SLC25A42: variants seen among roughly 807,000 people sequenced by gnomAD.
SLC25A42 encodes solute carrier family 25 member 42.
A neutral mutation model predicts 34.7 loss-of-function variants in SLC25A42; 19 were observed. That is an observed-to-expected ratio of 0.55 (90% CI 0.38 to 0.80). The LOEUF (loss-of-function observed/expected upper bound fraction) is 0.80. Among genes scored for constraint, SLC25A42 ranks in the 30% least tolerant of loss-of-function variants. The pLI is 0.00. For synonymous variants in SLC25A42, 205 were observed against 191.2 expected (o/e 1.07, Z -0.59); for missense variants, 364 against 441.3 (o/e 0.82, Z 1.57).
In SLC25A42 at chr19:19,083,937, C is replaced by T. The variant is rs147319504; in HGVS notation, c.-34-12154C>T. Among the ~76,000 whole-genome samples, 1,071 of 149,696 alleles carry T rather than the reference C, an allele frequency of 7.2e-3. 32 individuals are homozygous for T. The East Asian group carries it at 0.087, about 12-fold the overall frequency. Reference sequence around the variant, plus strand: ...CTCCTGGGCCCTGCACACACCTGCCCGCACCCCACCACCCCAGCGTGCCCC... The same window carrying T: ...CTCCTGGGCCCTGCACACACCTGCCTGCACCCCACCACCCCAGCGTGCCCC... On this transcript the variant is annotated intron_variant, in intron 1 of 7. Transcript: ENST00000318596.
chr19:19,094,313 T>A (rs566773983), intron 1 of SLC25A42, among the ~76,000 whole-genome samples: 77 of 152,356 alleles, frequency 5.1e-4, no homozygotes, highest in African/African-American at 1.8e-3. Context: ...CTGTCATTTC[T>A]TTATATTATA....
chr19:19,101,997 A>C, intron 3 of SLC25A42, 111 bp downstream of exon 3: 1 of 704,218 alleles, frequency 1.4e-6, no homozygotes. Flanking sequence ...TTTATTTTAG[A>C]AATAAGGTTT....
chr19:19,107,273 C>T (rs1459523567), intron 6 of SLC25A42, among the ~76,000 whole-genome samples: 5 of 148,822 alleles, frequency 3.4e-5, no homozygotes, highest in East Asian at 2.0e-4. Context: ...GCCATGATCA[C>T]GTCACTGCAC....
intron 1 of SLC25A42, among the ~76,000 whole-genome samples, chr19:19,066,438 AT>A (rs1175533894): frequency 3.4e-4 from 44 of 129,350 alleles, no homozygotes; most frequent in Non-Finnish European, 1.8e-4. Flanking sequence ...TGCAGCCCAT[AT>A]TTTTTTTTTC....
chr19:19,070,246 C>T (rs867456343), intron 1 of SLC25A42, among the ~76,000 whole-genome samples: 1 of 150,794 alleles, frequency 6.6e-6, no homozygotes, highest in African/African-American at 2.4e-5. Context: ...CCGCCTGCCT[C>T]GGCCTCCCAA....
intron 1 of SLC25A42, among the ~76,000 whole-genome samples, chr19:19,068,108 C>T (rs1285424764): frequency 1.3e-5 from 2 of 152,188 alleles, no homozygotes; most frequent in Non-Finnish European, 2.9e-5. Context: ...GTAATCCCAG[C>T]ACTTTGGGAG....
chr19:19,065,511 T>C (rs919706165), intron 1 of SLC25A42, among the ~76,000 whole-genome samples: 4 of 152,200 alleles, frequency 2.6e-5, no homozygotes, highest in Non-Finnish European at 2.9e-5. Flanking sequence ...GGCTTTGTTG[T>C]TGAAAAGCAA....
chr19:19,089,371 C>CA (rs1041455653), intron 1 of SLC25A42, among the ~76,000 whole-genome samples: 1 of 150,856 alleles, frequency 6.6e-6, no homozygotes, highest in Admixed American at 6.6e-5. Context: ...AGTAAAAGTA[C>CA]AAAAAAGTTA....
chr19:19,111,214 G>C lies in SLC25A42; in HGVS notation c.*338G>C, dbSNP rs2146317949. 1 of 367,788 alleles carries C rather than the reference G, an allele frequency of 2.7e-6. No homozygotes were observed. The highest frequency in any genetic ancestry group is 5.0e-6 in the Non-Finnish European group (1 of 199,438). 22.8% of individuals were successfully genotyped at this position (367,788 alleles called of 1,614,324 possible). A position where few individuals can be genotyped will look rare whatever the true frequency, so the allele number is the denominator to read the frequency against. The stretch of plus-strand genomic sequence containing the variant: ...CCTGATCCTGTGTGTCCTCCGACAT[G>C]CTGCTGATTCTAGTGACCCCTGTCC... On this transcript the variant is annotated 3_prime_UTR_variant, in exon 8 of 8. Transcript: ENST00000318596.
In SLC25A42 at chr19:19,079,090, G is replaced by A. The variant is rs2059669101; in HGVS notation, c.-35+14975G>A. 3.4e-5 allele frequency among the ~76,000 whole-genome samples: 5 copies of A among 148,384 alleles called. 1 individual carries two copies. The South Asian group carries it at 8.6e-4, about 25-fold the overall frequency. On this transcript the variant is annotated intron_variant, in intron 1 of 7. Coordinates refer to ENST00000318596, the MANE Select transcript of SLC25A42 (RefSeq NM_178526.5). ...TTTAATTTTTATTTTTTATCTTGCT[G>A]TGTCACCCAGGCTGGAGTGCAATGG... is the stretch of plus-strand genomic sequence containing the variant.
At position 19,075,658 on chromosome 19, in the gene SLC25A42, TGGCA is replaced by T. The variant is rs1008455306; in HGVS notation, c.-35+11546_-35+11549del. On this transcript the variant is annotated intron_variant, in intron 1 of 7. Transcript: ENST00000318596. ...CAGCACAGCATACGAGTCAGGACTC[TGGCA>T]GGTGCAAGTGACAGAAACCCATCCT... Among the ~76,000 whole-genome samples, 18 of 152,220 alleles carry T rather than the reference TGGCA, an allele frequency of 1.2e-4. 1 individual carries two copies. Among genetic ancestry groups the T allele is most frequent in the African/African-American group, 3.9e-4 (16 of 41,468 alleles).
chr19:19,110,898 G>A lies in SLC25A42; in HGVS notation c.*22G>A, dbSNP rs188474907. Reference sequence around the variant, plus strand: ...CTAGGGGACCCTGAGCTGCTCTCAGGACGGTGGACCGGTGACCCCTTTGTA... The same window carrying A: ...CTAGGGGACCCTGAGCTGCTCTCAGAACGGTGGACCGGTGACCCCTTTGTA... On this transcript the variant is annotated 3_prime_UTR_variant, in exon 8 of 8. Transcript: ENST00000318596. The A allele has an allele frequency of 9.8e-4, 1,574 of 1,612,858 alleles. No individual in the cohort carries two copies. The highest frequency in any genetic ancestry group is 1.2e-3 in the Non-Finnish European group (1,434 of 1,179,596).
intron 1 of SLC25A42, among the ~76,000 whole-genome samples, chr19:19,082,203 G>A (rs756129803): frequency 6.6e-5 from 10 of 152,184 alleles, no homozygotes; most frequent in Non-Finnish European, 1.2e-4. Context: ...GTCATCAGGA[G>A]TCTAAAATGG....
At chr19:19,105,438 C>T (rs1209248267) in intron 4 of SLC25A42, 123 bp from the exon 5 acceptor site, 4 of 1,159,070 alleles carry the variant, frequency 3.5e-6, no homozygotes, top group African/African-American at 1.5e-5. Flanking sequence ...GGGTTATGTG[C>T]TGTGCATGGA....
intron 1 of SLC25A42, among the ~76,000 whole-genome samples, chr19:19,077,978 C>T (rs572292470): frequency 1.1e-4 from 16 of 152,306 alleles, no homozygotes; most frequent in African/African-American, 3.6e-4. Context: ...GTTGTTGTCG[C>T]GTGTAGCAGC....
At position 19,105,688 on chromosome 19, in the gene SLC25A42, A is replaced by G; in HGVS notation, c.341A>G (p.Tyr114Cys). Residue 114 changes from tyrosine (Y) to cysteine (C), a missense_variant, in exon 5 of 8, where the codon TAC (tyrosine) becomes TGC (cysteine). By Grantham distance (194) the Tyr-to-Cys change is radical. Coordinates refer to ENST00000318596, the MANE Select transcript of SLC25A42 (RefSeq NM_178526.5). Reference sequence around the variant, plus strand: ...ATCCAGTTCAGCGCACACGAGGAGTACAAGCGCATCCTGGGCAGCTACTAT... The same window carrying G: ...ATCCAGTTCAGCGCACACGAGGAGTGCAAGCGCATCCTGGGCAGCTACTAT... ...AAIQFSAHEE[Y>C]KRILGSYYGF... 2 of 1,609,594 alleles carry G rather than the reference A, an allele frequency of 1.2e-6. No homozygotes were observed. Among genetic ancestry groups the G allele is most frequent in the Non-Finnish European group, 1.7e-6 (2 of 1,177,464 alleles).
In SLC25A42 at chr19:19,105,742, C is replaced by A; in HGVS notation, c.380+15C>A. 1 of 1,526,828 alleles carries A rather than the reference C, an allele frequency of 6.5e-7. No homozygotes were observed. The allele number at this position is 1,526,828 out of a possible 1,614,324, so 94.6% of individuals were successfully genotyped here. A position where few individuals can be genotyped will look rare whatever the true frequency, so the allele number is the denominator to read the frequency against. ...TTCCGTGGAGAGTGAGGCCCCGCCC[C>A]GCCCTGCCACAGAATCGCCCCGCCC... On this transcript the variant is annotated intron_variant, in intron 5 of 7. Transcript: ENST00000318596.
At chr19:19,089,110 TC>T (rs1292585609) in intron 1 of SLC25A42, among the ~76,000 whole-genome samples, 1 of 152,166 alleles carries the variant, frequency 6.6e-6, no homozygotes, top group African/African-American at 2.4e-5. Context: ...TGGCCAGTGA[TC>T]CTCAACTTTG....
intron 1 of SLC25A42, 58 bp from the exon 2 acceptor site, chr19:19,096,033 A>C: frequency 1.7e-6 from 2 of 1,155,798 alleles, no homozygotes; most frequent in Non-Finnish European, 1.3e-6. Context: ...AGGCTGGTGG[A>C]ACACCCACCA....
Sources: gnomAD v4.1 joint callset for allele counts (sites outside exome capture counted in the v4.1 genomes callset) on GRCh38, gnomAD v4.1.1 for gene constraint, MANE v1.5 for transcripts, NCBI Gene and HGNC (gene_info 2026-07-23, HGNC 2026-07-21) for gene names.